The following SYNE1 variants were observed in gnomAD, a reference collection of about 807,000 sequenced individuals.
SYNE1 encodes the protein nesprin-1.
SYNE1 carries 616 observed loss-of-function variants against 1,111.0 expected under a neutral mutation model. The ratio of observed to expected loss-of-function variants is 0.55; its 90% confidence interval spans 0.52 to 0.59. The LOEUF is 0.59. Ranked by LOEUF, SYNE1 falls within the 20% of genes least tolerant of loss-of-function variation. The pLI is 0.00. For missense variants in SYNE1, 10,006 were observed against 10,417.0 expected (o/e 0.96, Z 1.72); for synonymous variants, 3,855 against 3,825.8 (o/e 1.01, Z -0.28).
chr6:152,613,101 C>T (rs1284636955), intron 3 of SYNE1, among the ~76,000 whole-genome samples: 1 of 152,120 alleles, frequency 6.6e-6, no homozygotes, highest in East Asian at 1.9e-4. Flanking sequence ...ACAAGGATGC[C>T]CTCTCTCACC....
chr6:152,453,325 T>C lies in SYNE1; in HGVS notation c.3027+261A>G, dbSNP rs1490663463. 5.0e-6 allele frequency: 3 copies of C among 600,258 alleles called. No individual in the cohort carries two copies. The African/African-American group carries it at 6.1e-5, about 12-fold the overall frequency. 37.2% of individuals were successfully genotyped at this position (600,258 alleles called of 1,614,324 possible). On this transcript the variant is annotated intron_variant, in intron 25 of 145. Coordinates refer to ENST00000367255, the MANE Select transcript of SYNE1 (RefSeq NM_182961.4). ...GAATAAGTTAAATGTTCTTGCACCC[T>C]GGATTAAAAAAAAATCAGGAAACCA...
Position 152,132,224 on chromosome 6 carries a change from A to C in SYNE1, c.26002-10T>G. ...ACCAGGAAGACAAATCCTATGTGGG[A>C]GAAAGATTCTTTTAACAACTCCATG... On this transcript the variant is annotated splice_polypyrimidine_tract_variant and intron_variant, in intron 143 of 145. Transcript: ENST00000367255. 1 of 1,613,682 alleles carries C rather than the reference A, an allele frequency of 6.2e-7. No homozygotes were observed. Among genetic ancestry groups the C allele is most frequent in the Non-Finnish European group, 8.5e-7 (1 of 1,179,644 alleles).
intron 3 of SYNE1, among the ~76,000 whole-genome samples, chr6:152,550,851 G>A (rs2099343089): frequency 6.6e-6 from 1 of 152,086 alleles, no homozygotes; most frequent in South Asian, 2.1e-4. Flanking sequence ...TTCTGAGTTT[G>A]AAAACAAAGC....
In SYNE1 at chr6:152,164,324, C is replaced by T. The variant is rs1269800552; in HGVS notation, c.23629G>A (p.Val7877Met). 6.2e-7 allele frequency: 1 copy of T among 1,614,072 alleles called. No individual in the cohort carries two copies. The highest frequency in any genetic ancestry group is 2.2e-5 in the East Asian group (1 of 44,874). Reference sequence around the variant, plus strand: ...ACCAGGGTCTCCTTCAGCTTCTTCACCCTGTGGGCAGAGAAGGGGGAATGT... The same window carrying T: ...ACCAGGGTCTCCTTCAGCTTCTTCATCCTGTGGGCAGAGAAGGGGGAATGT... Reference protein sequence around the residue: ...QHLLDLIAARVKKLKETLVAV... With the variant: ...QHLLDLIAARMKKLKETLVAV... The change falls in exon 131 of 146, where the codon GTG (valine) becomes ATG (methionine). Residue 7877 changes from valine (V) to methionine (M), a missense_variant and splice_region_variant. This residue lies in a region of SYNE1 where 2,182 missense variants were observed against 2,287.8 expected (regional missense o/e 0.95). Transcript: ENST00000367255.
chr6:152,628,359 C>A lies in SYNE1; in HGVS notation c.-28G>T. On this transcript the variant is annotated 5_prime_UTR_variant, in exon 3 of 146. Coordinates refer to ENST00000367255, the MANE Select transcript of SYNE1 (RefSeq NM_182961.4). ...TCCCTCCGGAAGCACGAAGCCAACA[C>A]CAAGAGACTCTTCACTGGAGGCAGC... The A allele has an allele frequency of 1.2e-6, 2 of 1,612,338 alleles. No homozygotes were observed. The highest frequency in any genetic ancestry group is 1.3e-5 in the African/African-American group (1 of 74,986).
At chr6:152,615,782 T>G (rs1394445037) in intron 3 of SYNE1, among the ~76,000 whole-genome samples, 1 of 152,246 alleles carries the variant, frequency 6.6e-6, no homozygotes, top group Non-Finnish European at 1.5e-5. Context: ...ATCTGACTCT[T>G]ACTCAAGAGT....
At chr6:152,183,537 G>T (rs952833632) in intron 128 of SYNE1, among the ~76,000 whole-genome samples, 12 of 152,086 alleles carry the variant, frequency 7.9e-5, no homozygotes, top group African/African-American at 2.7e-4. Flanking sequence ...GGAGGCGGAA[G>T]ATGCAGTGAG....
intron 6 of SYNE1, among the ~76,000 whole-genome samples, chr6:152,517,715 GA>G (rs1277554976): frequency 1.3e-5 from 2 of 152,070 alleles, no homozygotes; most frequent in Non-Finnish European, 2.9e-5. Context: ...ATTGATAAGT[GA>G]AAAAAGCAAA....
At chr6:152,256,788 T>C (rs372423655) in intron 101 of SYNE1, 23 bp from the exon 102 acceptor site, 2 of 1,612,522 alleles carry the variant, frequency 1.2e-6, no homozygotes, top group African/African-American at 2.7e-5. Flanking sequence ...AAAGGCAGCT[T>C]GTTGAAGAGC....
At position 152,176,570 on chromosome 6, in the gene SYNE1, A is replaced by G; in HGVS notation, c.23461-10T>C. The G allele has an allele frequency of 1.2e-6, 2 of 1,613,828 alleles. No individual in the cohort carries two copies. The highest frequency in any genetic ancestry group is 1.7e-6 in the Non-Finnish European group (2 of 1,179,732). The stretch of plus-strand genomic sequence containing the variant: ...TTTCCTCTTGATAATCCTGTGTAAT[A>G]AATAGCAATCACAGAGGTCAGAAAG... On this transcript the variant is annotated splice_polypyrimidine_tract_variant and intron_variant, in intron 129 of 145. Coordinates refer to ENST00000367255, the MANE Select transcript of SYNE1 (RefSeq NM_182961.4).
At chr6:152,524,281 C>T in intron 5 of SYNE1, among the ~76,000 whole-genome samples, 1 of 152,040 alleles carries the variant, frequency 6.6e-6, no homozygotes, top group Non-Finnish European at 1.5e-5. Flanking sequence ...TTATCAAATG[C>T]TTTTTCTACA....
In SYNE1 at chr6:152,350,354, A is replaced by G; in HGVS notation, c.11734-19T>C. On this transcript the variant is annotated intron_variant, in intron 71 of 145. Transcript: ENST00000367255. ...CATGCTCCTGCAAAACCAGGTGTCC[A>G]TCAGAGATGACTTTCAAGTGAAAAA... 1 of 1,614,134 alleles carries G rather than the reference A, an allele frequency of 6.2e-7. No homozygotes were observed. Among genetic ancestry groups the G allele is most frequent in the South Asian group, 1.1e-5 (1 of 91,086 alleles).
At position 152,350,695 on chromosome 6, in the gene SYNE1, G is replaced by T. The variant is rs755039909; in HGVS notation, c.11656C>A (p.Leu3886Met). 6.2e-7 allele frequency: 1 copy of T among 1,613,878 alleles called. No individual in the cohort carries two copies. The highest frequency in any genetic ancestry group is 2.2e-5 in the East Asian group (1 of 44,886). The part of the protein sequence containing the change: ...VREKGEALLE[L>M]VQDVTLKDKI... ...TCCTTTAAAGTGACGTCCTGCACCA[G>T]TTCCAAAAGAGCTTCACCCTTCTCT... Residue 3886 changes from leucine to methionine, a missense_variant, in exon 71 of 146, where the codon CTG becomes ATG. Physicochemically the swap from Leu to Met is conservative, Grantham distance 15 (BLOSUM62 2). This residue lies in a region of SYNE1 where 4,955 missense variants were observed against 5,017.2 expected (regional missense o/e 0.99). Coordinates refer to ENST00000367255, the MANE Select transcript of SYNE1 (RefSeq NM_182961.4).
intron 14 of SYNE1, chr6:152,481,016 T>C: frequency 3.0e-6 from 1 of 334,942 alleles, no homozygotes. Context: ...CCTGAAATCA[T>C]ATAGCCATTG....
intron 3 of SYNE1, among the ~76,000 whole-genome samples, chr6:152,544,657 T>A (rs768408260): frequency 2.0e-5 from 3 of 152,200 alleles, no homozygotes; most frequent in Non-Finnish European, 2.9e-5. Flanking sequence ...ATACAACAAA[T>A]GCACAAATGA....
chr6:152,571,660 C>A (rs539864430), intron 3 of SYNE1, among the ~76,000 whole-genome samples: 2 of 152,138 alleles, frequency 1.3e-5, no homozygotes, highest in African/African-American at 2.4e-5. Flanking sequence ...CTGTAAAGTA[C>A]CCACAAAGAG....
intron 100 of SYNE1, among the ~76,000 whole-genome samples, chr6:152,265,381 AT>A (rs1169083219): frequency 6.6e-6 from 1 of 152,176 alleles, no homozygotes; most frequent in African/African-American, 2.4e-5. Context: ...ATCTCAAAAA[AT>A]AATGGCGAGT....
At chr6:152,534,529 G>A (rs1433226285) in intron 4 of SYNE1, among the ~76,000 whole-genome samples, 2 of 152,066 alleles carry the variant, frequency 1.3e-5, no homozygotes, top group South Asian at 2.1e-4. Context: ...TGATATCTTG[G>A]TATGTGCATA....
At chr6:152,486,672 T>C (rs540690983) in intron 12 of SYNE1, among the ~76,000 whole-genome samples, 1 of 152,328 alleles carries the variant, frequency 6.6e-6, no homozygotes, top group African/African-American at 2.4e-5. Context: ...AAATTTTATT[T>C]TGGGGAAAAA....
Sources: allele counts gnomAD v4.1 joint callset (sites outside exome capture counted in the v4.1 genomes callset), GRCh38; gene constraint gnomAD v4.1.1; regional missense constraint gnomAD v4.1.1; transcripts MANE v1.5; gene names NCBI Gene and HGNC (gene_info 2026-07-23, HGNC 2026-07-21).